Variants in MEIG1 observed in about 807,000 individuals in gnomAD.
The protein encoded by MEIG1 is meiosis expressed gene 1 protein homolog.
In MEIG1, 12 loss-of-function variants were observed where a neutral mutation model predicts 11.3. The observed-to-expected ratio is 1.07, with a 90% CI of 0.68 to 1.73. The LOEUF (loss-of-function observed/expected upper bound fraction) is 1.73. MEIG1 is among the 40% of genes most tolerant of loss of function. MEIG1 has a pLI of 0.00. For missense variants in MEIG1, 119 were observed against 104.9 expected, an observed-to-expected ratio of 1.13 and a Z score of -0.59; for synonymous variants, 41 against 33.2, an observed-to-expected ratio of 1.24 and a Z score of -0.81.
chr10:14,958,618 C>T (rs544414618), upstream of MEIG1, among the ~76,000 whole-genome samples: 3 of 152,300 alleles, frequency 2.0e-5, no homozygotes, highest in Non-Finnish European at 2.9e-5. Context: ...GTAAATTGGC[C>T]GGGCGCGGTG....
intron 2 of MEIG1, among the ~76,000 whole-genome samples, chr10:14,971,204 T>TATATAATG (rs1554806484): frequency 2.3e-4 from 13 of 57,144 alleles, no homozygotes; most frequent in Non-Finnish European, 4.7e-4. Context: ...CTCGGCAACA[T>TATATAATG]ATAATAATAA....
chr10:14,966,577 G>C lies in MEIG1; in HGVS notation c.109G>C (p.Glu37Gln), dbSNP rs745805845. ...FQQAGYRDET[E>Q]YRQVKQVSMV... ...ACAAGCAGGATATCGGGATGAAACC[G>C]AATATAGACAAGTGAAACAAGTTTC... The change falls in exon 2 of 3, where the codon GAA (glutamate) becomes CAA (glutamine). Residue 37 changes from glutamate (E) to glutamine (Q), a missense_variant. Glu to Gln is a conservative substitution (Grantham distance 29, BLOSUM62 2). Transcript: ENST00000407572. 6 of 1,610,878 alleles carry C rather than the reference G, an allele frequency of 3.7e-6. No homozygotes were observed. The highest frequency in any genetic ancestry group is 5.1e-6 in the Non-Finnish European group (6 of 1,178,980).
chr10:14,981,753 G>T (rs1293015073), intron 1 of MEIG1, among the ~76,000 whole-genome samples: 2 of 152,182 alleles, frequency 1.3e-5, no homozygotes, highest in African/African-American at 4.8e-5. Context: ...GAGGGCATTT[G>T]TTCTTCCAAT....
At chr10:14,962,771 T>C (rs1482504536) in intron 1 of MEIG1, among the ~76,000 whole-genome samples, 1 of 152,016 alleles carries the variant, frequency 6.6e-6, no homozygotes, top group African/African-American at 2.4e-5. Flanking sequence ...AATTTTTTTT[T>C]TTTTTCTTTT....
At chr10:14,984,759 C>T (rs770021156) in intron 1 of MEIG1, among the ~76,000 whole-genome samples, 1 of 152,062 alleles carries the variant, frequency 6.6e-6, no homozygotes, top group Non-Finnish European at 1.5e-5. Context: ...AGGTTGTACA[C>T]CTTGTGAAAT....
At chr10:14,965,828 CT>C (rs1345780604) in intron 1 of MEIG1, among the ~76,000 whole-genome samples, 1 of 152,058 alleles carries the variant, frequency 6.6e-6, no homozygotes, top group Non-Finnish European at 1.5e-5. Context: ...TTGCATACAG[CT>C]TTTAGAACAT....
rs758018633 is a variant in MEIG1 at position 14,967,504 on chromosome 10, A to AC, written c.138+898_138+899insC. On this transcript the variant is annotated intron_variant, in intron 2 of 2. Coordinates refer to ENST00000407572, the MANE Select transcript of MEIG1 (RefSeq NM_001080836.3). Reference sequence around the variant, plus strand: ...TATTTATTCTCTTGGCTACTAAGATATTTTTTTTTTTTTTTTTTGAGACAG... The same window carrying AC: ...TATTTATTCTCTTGGCTACTAAGATACTTTTTTTTTTTTTTTTTTGAGACAG... 3.8e-4 allele frequency among the ~76,000 whole-genome samples: 51 copies of AC among 135,326 alleles called. 1 individual carries two copies. Among genetic ancestry groups the AC allele is most frequent in the African/African-American group, 7.1e-4 (26 of 36,408 alleles). The allele number at this position is 135,326 out of a possible 152,430, so 88.8% of individuals were successfully genotyped here. A position where few individuals can be genotyped will look rare whatever the true frequency, so the allele number is the denominator to read the frequency against.
downstream of MEIG1, among the ~76,000 whole-genome samples, chr10:14,973,344 G>T (rs1395750733): frequency 5.3e-5 from 8 of 152,272 alleles, no homozygotes; most frequent in East Asian, 1.4e-3. Flanking sequence ...CCAGATATGG[G>T]TCTTGTGGCC....
chr10:14,972,076 G>A (rs941014566), intron 2 of MEIG1, among the ~76,000 whole-genome samples: 13 of 151,164 alleles, frequency 8.6e-5, no homozygotes, highest in Admixed American at 3.3e-4. Flanking sequence ...GTGCAGTGGC[G>A]CCATCTAGAG....
chr10:14,983,965 T>C (rs146202300), intron 1 of MEIG1, among the ~76,000 whole-genome samples: 277 of 152,178 alleles, frequency 1.8e-3, no homozygotes, highest in African/African-American at 5.8e-3. Context: ...TGGGAGAGGA[T>C]GATACTACAC....
chr10:14,955,174 C>T (rs1319121857), upstream of MEIG1, among the ~76,000 whole-genome samples: 2 of 152,202 alleles, frequency 1.3e-5, no homozygotes, highest in Non-Finnish European at 2.9e-5. Context: ...TCATGCGATC[C>T]GCTCGCCTCG....
At chr10:14,980,929 G>A (rs1299408282) in intron 1 of MEIG1, among the ~76,000 whole-genome samples, 1 of 152,160 alleles carries the variant, frequency 6.6e-6, no homozygotes, top group Non-Finnish European at 1.5e-5. Flanking sequence ...GACGGGTTAG[G>A]TACTGTTGGA....
intron 1 of MEIG1, among the ~76,000 whole-genome samples, chr10:14,965,386 C>G (rs1233093072): frequency 6.6e-6 from 1 of 152,170 alleles, no homozygotes; most frequent in Non-Finnish European, 1.5e-5. Context: ...TAGACAATTA[C>G]ATGAACTAAA....
intron 2 of MEIG1, among the ~76,000 whole-genome samples, chr10:14,967,580 G>C (rs7922743): frequency 0.64 from 96,590 of 150,332 alleles, 31,277 homozygotes; most frequent in Admixed American, 0.69. Context: ...TCTCGGCTCA[G>C]TGCAACCTCC....
Sources: allele counts gnomAD v4.1 joint callset (sites outside exome capture counted in the v4.1 genomes callset), GRCh38; gene constraint gnomAD v4.1.1; transcripts MANE v1.5; gene names NCBI Gene and HGNC (gene_info 2026-07-23, HGNC 2026-07-21).